Variants in MEI4 observed in about 807,000 individuals in gnomAD.
MEI4 encodes meiotic double-stranded break formation protein 4.
MEI4 carries 27 observed loss-of-function variants against 31.4 expected under a neutral mutation model. The ratio of observed to expected loss-of-function variants is 0.86; its 90% CI spans 0.63 to 1.19. The LOEUF (loss-of-function observed/expected upper bound fraction) is 1.19. Ranked by LOEUF, MEI4 falls within the 50% of genes most tolerant of loss-of-function variation. The pLI, the probability that MEI4 is intolerant of heterozygous loss-of-function variation, is 0.00. For missense variants in MEI4, 329 were observed against 398.9 expected (o/e 0.82, Z 1.49); for synonymous variants, 122 against 145.4 (o/e 0.84, Z 1.16).
intron 4 of MEI4, among the ~76,000 whole-genome samples, chr6:77,851,569 T>C (rs1490892205): frequency 7.7e-6 from 1 of 129,948 alleles, no homozygotes. Flanking sequence ...CGCTCATAGG[T>C]GGGAATTGAA....
chr6:77,874,837 G>A (rs1277318067), intron 4 of MEI4, among the ~76,000 whole-genome samples: 1 of 152,084 alleles, frequency 6.6e-6, no homozygotes, highest in Non-Finnish European at 1.5e-5. Flanking sequence ...TTTTGTCAAA[G>A]GCCTTTTCTG....
At chr6:77,772,181 T>C (rs1768334380) in intron 3 of MEI4, among the ~76,000 whole-genome samples, 2 of 149,076 alleles carry the variant, frequency 1.3e-5, no homozygotes, top group Admixed American at 6.7e-5. Context: ...TTCTGAAAAA[T>C]AGAGAAGAAG....
intron 3 of MEI4, among the ~76,000 whole-genome samples, chr6:77,791,139 C>G (rs1768916595): frequency 6.6e-6 from 1 of 152,064 alleles, no homozygotes; most frequent in Admixed American, 6.5e-5. Context: ...CCTCAGGGAT[C>G]TAGAACTAGA....
At chr6:77,698,843 G>C (rs1191744876) in intron 2 of MEI4, among the ~76,000 whole-genome samples, 5 of 152,130 alleles carry the variant, frequency 3.3e-5, no homozygotes, top group Non-Finnish European at 7.3e-5. Flanking sequence ...AGTTCTCCTG[G>C]ATAATATCCT....
chr6:77,884,989 G>T (rs779299360), intron 4 of MEI4, among the ~76,000 whole-genome samples: 1 of 152,148 alleles, frequency 6.6e-6, no homozygotes, highest in South Asian at 2.1e-4. Flanking sequence ...CCCTGAGCAT[G>T]GAATGTTTTT....
intron 1 of MEI4, among the ~76,000 whole-genome samples, chr6:77,657,127 G>C (rs955363678): frequency 6.6e-6 from 1 of 152,170 alleles, no homozygotes; most frequent in East Asian, 1.9e-4. Context: ...CAAAAATAAG[G>C]CTACTGCACG....
chr6:77,827,086 C>T (rs187600165), intron 3 of MEI4, among the ~76,000 whole-genome samples: 220 of 152,134 alleles, frequency 1.4e-3, no homozygotes, highest in African/African-American at 4.4e-3. Context: ...ATAGGCCGGG[C>T]GCGGTGGCTC....
intron 2 of MEI4, among the ~76,000 whole-genome samples, chr6:77,696,179 T>A (rs1167957863): frequency 6.6e-6 from 1 of 151,984 alleles, no homozygotes; most frequent in African/African-American, 2.4e-5. Context: ...GACAATGGGG[T>A]TTTCTAGATA....
At chr6:77,739,346 T>C (rs1366575854) in intron 2 of MEI4, among the ~76,000 whole-genome samples, 1 of 152,102 alleles carries the variant, frequency 6.6e-6, no homozygotes, top group Non-Finnish European at 1.5e-5. Context: ...GGGAATCCTG[T>C]CCCCATTGCT....
At chr6:77,729,944 G>A (rs927195591) in intron 2 of MEI4, among the ~76,000 whole-genome samples, 7 of 151,990 alleles carry the variant, frequency 4.6e-5, no homozygotes, top group African/African-American at 1.2e-4. Flanking sequence ...AGGGAGGCTC[G>A]GGAGAACAAC....
chr6:77,714,385 G>A (rs2127661162), intron 2 of MEI4, among the ~76,000 whole-genome samples: 1 of 152,012 alleles, frequency 6.6e-6, no homozygotes, highest in South Asian at 2.1e-4. Flanking sequence ...ATCTCATTTG[G>A]GAGGTTTTCC....
chr6:77,925,497 G>C lies in MEI4; in HGVS notation c.*2151G>C, dbSNP rs1297910087. On this transcript the variant is annotated 3_prime_UTR_variant, in exon 5 of 5. Coordinates refer to ENST00000684080, the MANE Select transcript of MEI4 (RefSeq NM_001322247.2). The stretch of plus-strand genomic sequence containing the variant: ...ATGAGACATTTTTATCTGTGTTTCA[G>C]TAAAGCAGTGAATTAATGAATGATT... The C allele has an allele frequency of 6.6e-6, 1 of 151,680 alleles. No homozygotes were observed. The highest frequency in any genetic ancestry group is 2.4e-5 in the African/African-American group (1 of 41,340). 9.4% of individuals were successfully genotyped at this position (151,680 alleles called of 1,614,324 possible). A position where few individuals can be genotyped will look rare whatever the true frequency, so the allele number is the denominator to read the frequency against.
chr6:77,752,509 T>C (rs1260214705), intron 2 of MEI4, among the ~76,000 whole-genome samples: 1 of 152,084 alleles, frequency 6.6e-6, no homozygotes, highest in Non-Finnish European at 1.5e-5. Context: ...CCATTCACAA[T>C]TGCTACTAAG....
chr6:77,845,873 A>G (rs1256357817), intron 4 of MEI4, among the ~76,000 whole-genome samples: 2 of 118,662 alleles, frequency 1.7e-5, no homozygotes, highest in African/African-American at 6.8e-5. Context: ...AATCCTTAAA[A>G]CAGAAGTCTT....
intron 1 of MEI4, among the ~76,000 whole-genome samples, 165 bp downstream of exon 1, chr6:77,653,257 A>G (rs1366023679): frequency 6.6e-6 from 1 of 152,166 alleles, no homozygotes; most frequent in East Asian, 1.9e-4. Flanking sequence ...AATTTTATTC[A>G]TGCTACATTG....
chr6:77,656,846 A>G (rs897407960), intron 1 of MEI4, among the ~76,000 whole-genome samples: 3 of 152,194 alleles, frequency 2.0e-5, no homozygotes. Flanking sequence ...TTATTTGATG[A>G]TTACTAGATA....
chr6:77,892,491 G>A (rs1765982254), intron 4 of MEI4, among the ~76,000 whole-genome samples: 2 of 152,058 alleles, frequency 1.3e-5, no homozygotes, highest in South Asian at 4.1e-4. Flanking sequence ...ACAGTTGGTG[G>A]TACAGGCTTA....
At chr6:77,896,302 T>C (rs1299650098) in intron 4 of MEI4, among the ~76,000 whole-genome samples, 2 of 152,110 alleles carry the variant, frequency 1.3e-5, no homozygotes, top group Non-Finnish European at 2.9e-5. Flanking sequence ...AAGTGATAAA[T>C]GTGAGTCAAA....
intron 3 of MEI4, among the ~76,000 whole-genome samples, chr6:77,770,585 G>A (rs556534024): frequency 6.4e-4 from 97 of 152,086 alleles, no homozygotes; most frequent in African/African-American, 2.2e-3. Flanking sequence ...GAGGCATCAC[G>A]TTACCTGTGA....
Sources: gnomAD v4.1 joint callset for allele counts (sites outside exome capture counted in the v4.1 genomes callset) on GRCh38, gnomAD v4.1.1 for gene constraint, MANE v1.5 for transcripts, NCBI Gene and HGNC (gene_info 2026-07-23, HGNC 2026-07-21) for gene names.